The following PDE1C variants were observed in gnomAD, a reference collection of about 807,000 sequenced individuals.
PDE1C encodes phosphodiesterase 1C.
In PDE1C, 62 loss-of-function variants were observed where a neutral mutation model predicts 93.1. The observed-to-expected ratio is 0.67, with a 90% CI of 0.54 to 0.82. The LOEUF (loss-of-function observed/expected upper bound fraction) is 0.82, where lower values mean the gene tolerates loss of function less well. PDE1C is among the 40% of genes least tolerant of loss of function. The probability of loss-of-function intolerance (pLI) is 0.00; values close to 1 mark genes in which losing one functional copy is unlikely to be tolerated. For synonymous variants in PDE1C, 325 were observed against 310.1 expected (o/e 1.05, Z -0.50); for missense variants, 742 against 884.6 (o/e 0.84, Z 2.04).
At chr7:32,201,924 G>A (rs189218733) in intron 2 of PDE1C, among the ~76,000 whole-genome samples, 26 of 152,298 alleles carry the variant, frequency 1.7e-4, no homozygotes, top group Admixed American at 1.6e-3. Flanking sequence ...GAGGAGCTTC[G>A]TAGCACATCT....
intron 2 of PDE1C, among the ~76,000 whole-genome samples, chr7:31,972,841 C>A (rs966836237): frequency 2.0e-5 from 3 of 152,130 alleles, no homozygotes; most frequent in South Asian, 2.1e-4. Context: ...CAGCACCAGG[C>A]AGCCCGAGGA....
chr7:31,807,124 C>A (rs977056214), intron 16 of PDE1C, among the ~76,000 whole-genome samples: 9 of 151,766 alleles, frequency 5.9e-5, no homozygotes, highest in Non-Finnish European at 1.3e-4. Flanking sequence ...GATACCAAAG[C>A]AGTAATGATG....
chr7:32,111,684 A>T (rs949098971), intron 3 of PDE1C, among the ~76,000 whole-genome samples: 2 of 152,196 alleles, frequency 1.3e-5, no homozygotes, highest in African/African-American at 2.4e-5. Flanking sequence ...AGAGCTAATA[A>T]GGCAGATTGT....
At chr7:32,061,442 C>T (rs1173589109) in intron 1 of PDE1C, among the ~76,000 whole-genome samples, 1 of 152,246 alleles carries the variant, frequency 6.6e-6, no homozygotes, top group African/African-American at 2.4e-5. Context: ...CATGGAGGCA[C>T]CTCTGGAGCA....
the PDE1C span, among the ~76,000 whole-genome samples, chr7:31,699,962 T>G: frequency 6.6e-6 from 1 of 152,002 alleles, no homozygotes; most frequent in South Asian, 2.1e-4. Flanking sequence ...CCCCTATCTC[T>G]CTCCCTCTCC....
the PDE1C span, among the ~76,000 whole-genome samples, chr7:31,665,154 C>T: frequency 8.9e-4 from 136 of 152,300 alleles, no homozygotes; most frequent in Non-Finnish European, 1.7e-3. Flanking sequence ...AAAGCTCATT[C>T]TCCTGCCAGG....
At chr7:32,053,789 A>C (rs1180127872) in intron 1 of PDE1C, among the ~76,000 whole-genome samples, 1 of 152,166 alleles carries the variant, frequency 6.6e-6, no homozygotes, top group Non-Finnish European at 1.5e-5. Flanking sequence ...AGCAATAAGC[A>C]CTTAATATAC....
rs140959959 is a variant in PDE1C, at chr7:32,091,013, T to C, written c.308+78772A>G. On this transcript the variant is annotated intron_variant, in intron 3 of 18. Transcript: ENST00000396193. ...TAATGAGCACCAAATATATGCCTTG[T>C]TTTCTACCAGGCATGTTATATGTGT... is the stretch of plus-strand genomic sequence containing the variant. Among the ~76,000 whole-genome samples the C allele has an allele frequency of 1.4e-3, 212 of 152,364 alleles. 1 individual carries two copies. Among genetic ancestry groups the C allele is most frequent in the African/African-American group, 4.6e-3 (192 of 41,590 alleles).
chr7:32,056,955 G>T (rs1794204129), intron 1 of PDE1C, among the ~76,000 whole-genome samples: 1 of 152,110 alleles, frequency 6.6e-6, no homozygotes, highest in Admixed American at 6.5e-5. Context: ...TGCATAAGGG[G>T]CCGTGTGCCT....
At chr7:32,231,942 C>A (rs1036662463) in intron 1 of PDE1C, among the ~76,000 whole-genome samples, 1 of 143,654 alleles carries the variant, frequency 7.0e-6, no homozygotes, top group Admixed American at 7.3e-5. Flanking sequence ...GTGATTAAAA[C>A]AAATAAATAT....
At chr7:31,617,997 G>A in the PDE1C span, among the ~76,000 whole-genome samples, 6 of 152,156 alleles carry the variant, frequency 3.9e-5, no homozygotes, top group South Asian at 2.1e-4. Flanking sequence ...TAGATAAACT[G>A]TTTATGCTGT....
intron 2 of PDE1C, among the ~76,000 whole-genome samples, chr7:31,956,860 C>A (rs977822288): frequency 1.3e-5 from 2 of 151,942 alleles, no homozygotes; most frequent in Admixed American, 1.3e-4. Flanking sequence ...ACAGGAGGAC[C>A]AATTTATATT....
chr7:32,199,732 CT>C (rs199894843), intron 2 of PDE1C, among the ~76,000 whole-genome samples: 4 of 151,262 alleles, frequency 2.6e-5, no homozygotes, highest in East Asian at 3.9e-4. Flanking sequence ...TAGACCTAGT[CT>C]TTTTTTTTCC....
intron 1 of PDE1C, among the ~76,000 whole-genome samples, chr7:32,376,321 A>G (rs1784431675): frequency 6.6e-6 from 1 of 152,134 alleles, no homozygotes; most frequent in South Asian, 2.1e-4. Flanking sequence ...TTCCTGATGG[A>G]TTTTTACCCT....
At chr7:32,403,596 G>C (rs943576542) in intron 1 of PDE1C, among the ~76,000 whole-genome samples, 1 of 152,138 alleles carries the variant, frequency 6.6e-6, no homozygotes, top group Admixed American at 6.6e-5. Flanking sequence ...AGGTTGTGAC[G>C]ATCACATGCG....
the PDE1C span, among the ~76,000 whole-genome samples, chr7:31,697,999 C>T: frequency 6.6e-6 from 1 of 152,064 alleles, no homozygotes; most frequent in African/African-American, 2.4e-5. Flanking sequence ...GACAAATGAA[C>T]AGATAAAATT....
At chr7:32,364,181 T>C (rs1868775) in intron 1 of PDE1C, among the ~76,000 whole-genome samples, 12,661 of 152,258 alleles carry the variant, frequency 0.083, 594 homozygotes, top group African/African-American at 0.12. Flanking sequence ...CCATATCCTG[T>C]ATTAGCTTAC....
At chr7:31,991,503 A>G (rs1784135114) in intron 2 of PDE1C, among the ~76,000 whole-genome samples, 1 of 152,214 alleles carries the variant, frequency 6.6e-6, no homozygotes, top group South Asian at 2.1e-4. Flanking sequence ...TTGCCTTCAC[A>G]TAGTTACCTG....
intron 2 of PDE1C, among the ~76,000 whole-genome samples, chr7:32,008,739 GA>G (rs571030610): frequency 1.1e-3 from 165 of 149,910 alleles, no homozygotes; most frequent in Non-Finnish European, 1.7e-3. Flanking sequence ...TTAGTGAACT[GA>G]AAAAAAAAGA....
Sources: allele counts gnomAD v4.1 joint callset (sites outside exome capture counted in the v4.1 genomes callset), GRCh38; gene constraint gnomAD v4.1.1; transcripts MANE v1.5; gene names NCBI Gene and HGNC (gene_info 2026-07-23, HGNC 2026-07-21).